VRTN: variants seen among roughly 807,000 people sequenced by gnomAD.
VRTN encodes vertebrae development associated, also known as vertnin.
In VRTN, 5 loss-of-function variants were observed where a neutral mutation model predicts 18.2. The ratio of observed to expected loss-of-function variants is 0.27; its 90% CI spans 0.14 to 0.58. The LOEUF is 0.58. Ranked by LOEUF, VRTN falls within the 20% of genes least tolerant of loss-of-function variation. VRTN has a pLI of 0.91. For synonymous variants in VRTN, 381 were observed against 393.7 expected (o/e 0.97, Z 0.38); for missense variants, 741 against 939.4 (o/e 0.79, Z 2.76).
intron 1 of VRTN, among the ~76,000 whole-genome samples, chr14:74,354,419 T>G (rs1236789716): frequency 3.9e-5 from 6 of 152,044 alleles, no homozygotes; most frequent in African/African-American, 1.5e-4. Context: ...GTCTTTTTTT[T>G]TTTTGAGATG....
chr14:74,349,370 A>T (rs1398054252), intron 1 of VRTN, among the ~76,000 whole-genome samples: 1 of 152,192 alleles, frequency 6.6e-6, no homozygotes, highest in African/African-American at 2.4e-5. Context: ...TGGTGTGGCC[A>T]GGGCAGGGAG....
chr14:74,306,117 A>G (rs1375883472), intron 1 of VRTN: 1 of 145,604 alleles, frequency 6.9e-6, no homozygotes, highest in Admixed American at 6.9e-5. Flanking sequence ...AAAAATATAT[A>G]TGTAAAATAT....
chr14:74,343,111 T>C (rs536912771), intron 2 of VRTN, among the ~76,000 whole-genome samples: 1 of 152,146 alleles, frequency 6.6e-6, no homozygotes, highest in Non-Finnish European at 1.5e-5. Context: ...TCATACTGTT[T>C]TCGGGAAAGT....
intron 1 of VRTN, among the ~76,000 whole-genome samples, chr14:74,314,181 G>A (rs532106450): frequency 1.1e-4 from 17 of 151,958 alleles, no homozygotes; most frequent in Middle Eastern, 3.4e-3. Flanking sequence ...GTCTAGGCTG[G>A]AGTACAGTGG....
Position 74,356,792 on chromosome 14 carries a change from T to C in VRTN, c.9T>C (p.Ser3=). 6.3e-7 allele frequency: 1 copy of C among 1,589,630 alleles called. No individual in the cohort carries two copies. The highest frequency in any genetic ancestry group is 2.2e-5 in the East Asian group (1 of 44,522). ...TCTTTTGCCCTGGCAGGATGACTTC[T>C]CGGAACCAGCTGGTGCAGAAGGTGC... MT[S]RNQLVQKVLQ... is the part of the protein sequence containing the mutation. Residue 3 remains serine, a synonymous_variant, in exon 2 of 2, where the codon TCT becomes TCC. Transcript: ENST00000256362.
intron 1 of VRTN, among the ~76,000 whole-genome samples, chr14:74,313,807 C>T (rs2085403170): frequency 6.6e-6 from 1 of 152,154 alleles, no homozygotes; most frequent in Non-Finnish European, 1.5e-5. Flanking sequence ...ATGGCAAGAC[C>T]TCATTGCTAC....
At position 74,359,311 on chromosome 14, in the gene VRTN, C is replaced by G. The variant is rs2085763404; in HGVS notation, c.*419C>G. 1 of 174,718 alleles carries G rather than the reference C, an allele frequency of 5.7e-6. No individual in the cohort carries two copies. Among genetic ancestry groups the G allele is most frequent in the African/African-American group, 2.4e-5 (1 of 41,662 alleles). 10.8% of individuals were successfully genotyped at this position (174,718 alleles called of 1,614,324 possible). On this transcript the variant is annotated 3_prime_UTR_variant, in exon 2 of 2. Coordinates refer to ENST00000256362, the MANE Select transcript of VRTN (RefSeq NM_018228.3). The stretch of plus-strand genomic sequence containing the variant: ...TGTTATAGCATGATCATCGGTCCCA[C>G]TGGGCAGAACGTTATCTTCAGTTTC...
In VRTN at chr14:74,340,215, C is replaced by T. The variant is rs189727514; in HGVS notation, c.-2+2331C>T. Among the ~76,000 whole-genome samples, 289 of 151,312 alleles carry T rather than the reference C, an allele frequency of 1.9e-3. 1 individual carries two copies. Among genetic ancestry groups the T allele is most frequent in the Middle Eastern group, 3.5e-3 (1 of 288 alleles). On this transcript the variant is annotated intron_variant, in intron 2 of 2. Transcript: ENST00000557177. Reference sequence around the variant, plus strand: ...GCAACCTCCGCCTCCCAGGTTCAAGCGATTCTCCTACTTCAGCCTCCCTAG... The same window carrying T: ...GCAACCTCCGCCTCCCAGGTTCAAGTGATTCTCCTACTTCAGCCTCCCTAG...
Position 74,358,768 on chromosome 14 carries a change from G to A in VRTN, c.1985G>A (p.Arg662His). ...CAGGCCAAGCTGTTCTTGCAGAAGC[G>A]CTTCCAGTCCAAGAGCTTTCCCTCC... ...KAQAKLFLQK[R>H]FQSKSFPSYK... The change falls in exon 2 of 2, where the codon CGC becomes CAC. Residue 662 changes from arginine (R) to histidine (H), a missense_variant. Arg to His is a conservative substitution (Grantham distance 29). Transcript: ENST00000256362. This position sits in a 1 kb window ranked among gnomAD's most constrained non-coding sequence, Gnocchi z 5.4. 3 of 1,614,212 alleles carry A rather than the reference G, an allele frequency of 1.9e-6. No homozygotes were observed. Among genetic ancestry groups the A allele is most frequent in the Non-Finnish European group, 2.5e-6 (3 of 1,180,040 alleles).
rs57025624 is a variant in VRTN, at chr14:74,312,754, G to GTTT, written c.-164+9593_-164+9595dup. On this transcript the variant is annotated intron_variant, in intron 1 of 2. Coordinates refer to the VRTN transcript ENST00000557177. ...GCACGCACCACCGCACCTGGCCTGT[G>GTTT]TTTTTTTTTTTTTTTTTGAGGCAGA... 3.6e-4 allele frequency among the ~76,000 whole-genome samples: 47 copies of GTTT among 130,320 alleles called. 1 individual carries two copies. The highest frequency in any genetic ancestry group is 9.4e-4 in the African/African-American group (32 of 34,200). 85.5% of individuals were successfully genotyped at this position (130,320 alleles called of 152,430 possible).
At chr14:74,340,755 T>C (rs1173526956) in intron 2 of VRTN, among the ~76,000 whole-genome samples, 1 of 152,238 alleles carries the variant, frequency 6.6e-6, no homozygotes, top group Non-Finnish European at 1.5e-5. Flanking sequence ...AATTTATTTT[T>C]ATTTTTATTT....
intron 2 of VRTN, among the ~76,000 whole-genome samples, chr14:74,340,358 C>T (rs1320663326): frequency 6.6e-6 from 1 of 151,982 alleles, no homozygotes; most frequent in African/African-American, 2.4e-5. Flanking sequence ...GTGATCCACC[C>T]ACCTCGGCCT....
In VRTN at chr14:74,357,245, G is replaced by T; in HGVS notation, c.462G>T (p.Glu154Asp). 1 of 1,613,580 alleles carries T rather than the reference G, an allele frequency of 6.2e-7. No individual in the cohort carries two copies. The highest frequency in any genetic ancestry group is 1.1e-5 in the South Asian group (1 of 91,080). ...CCAGCTTGCCCCCCGCCACGCTGGA[G>T]GCCATCTTCGATGCCGACGTCAAGG... The part of the protein sequence containing the change: ...EMTSLPPATL[E>D]AIFDADVKAS... Residue 154 changes from glutamate to aspartate, a missense_variant, in exon 2 of 2, where the codon GAG becomes GAT. Around this residue, in one of 3 missense-constraint regions of VRTN, gnomAD observed 186 missense variants for 288.3 expected, o/e 0.65. Coordinates refer to ENST00000256362, the MANE Select transcript of VRTN (RefSeq NM_018228.3). This position sits in a 1 kb window ranked among gnomAD's most constrained non-coding sequence, Gnocchi z 7.8.
chr14:74,321,412 C>G (rs1802386586), intron 1 of VRTN, among the ~76,000 whole-genome samples: 2 of 151,782 alleles, frequency 1.3e-5, no homozygotes, highest in Admixed American at 1.3e-4. Flanking sequence ...GGGTGGGGTA[C>G]ATGGACGTGG....
intron 1 of VRTN, among the ~76,000 whole-genome samples, chr14:74,355,107 A>C (rs2085715914): frequency 1.4e-5 from 2 of 146,520 alleles, no homozygotes. Flanking sequence ...GCGCCCCTGC[A>C]CTCCAGCCTG....
At chr14:74,319,215 G>T (rs2085437348) in intron 1 of VRTN, among the ~76,000 whole-genome samples, 1 of 151,904 alleles carries the variant, frequency 6.6e-6, no homozygotes, top group Non-Finnish European at 1.5e-5. Context: ...TGTATTTTCA[G>T]TAGAGATGGG....
At chr14:74,303,203 T>A (rs2085154629) in intron 1 of VRTN, 1 of 370,394 alleles carries the variant, frequency 2.7e-6, no homozygotes, top group Non-Finnish European at 4.8e-6. Flanking sequence ...CTGTGTATAA[T>A]AGATGTTTTA....
intron 1 of VRTN, among the ~76,000 whole-genome samples, chr14:74,303,500 G>A (rs1156601796): frequency 6.6e-6 from 1 of 152,176 alleles, no homozygotes; most frequent in Non-Finnish European, 1.5e-5. Context: ...GCAGTGAGCC[G>A]TGACTGTGCC....
At chr14:74,333,211 C>T (rs557874682) in intron 1 of VRTN, among the ~76,000 whole-genome samples, 9 of 151,864 alleles carry the variant, frequency 5.9e-5, no homozygotes, top group East Asian at 5.9e-4. Flanking sequence ...GGTGAAACCC[C>T]GTCTCTACTA....
Sources: allele counts gnomAD v4.1 joint callset (sites outside exome capture counted in the v4.1 genomes callset), GRCh38; gene constraint gnomAD v4.1.1; regional missense constraint gnomAD v4.1.1; non-coding constraint Gnocchi (gnomAD v3.1); transcripts MANE v1.5; gene names NCBI Gene and HGNC (gene_info 2026-07-23, HGNC 2026-07-21).